Variants in ERAP2 observed in about 807,000 individuals in gnomAD.
ERAP2 encodes endoplasmic reticulum aminopeptidase 2.
Under a neutral mutation model 111.1 loss-of-function variants are expected in ERAP2, and 118 were observed. The ratio of observed to expected loss-of-function variants is 1.06; its 90% CI spans 0.92 to 1.24. The LOEUF is 1.24. ERAP2 is among the 50% of genes most tolerant of loss of function. ERAP2 has a pLI of 0.00. For synonymous variants in ERAP2, 410 were observed against 401.2 expected (o/e 1.02, Z -0.26); for missense variants, 1,131 against 1,125.8 (o/e 1.00, Z -0.07).
chr5:96,894,571 T>C (rs1347618843), intron 6 of ERAP2, among the ~76,000 whole-genome samples: 1 of 152,214 alleles, frequency 6.6e-6, no homozygotes, highest in Non-Finnish European at 1.5e-5. Context: ...AGAATAGTAA[T>C]ATTTAAAATG....
At position 96,915,700 on chromosome 5, in the gene ERAP2, C is replaced by T; in HGVS notation, c.2670C>T (p.Gly890=). Reference sequence around the variant, plus strand: ...TTTTTATTTTCAGATTTGACTTGGGCTCATATGACATAAGGATGATCATCT... The same window carrying T: ...TTTTTATTTTCAGATTTGACTTGGGTTCATATGACATAAGGATGATCATCT... The part of the protein sequence containing the change: ...WTHLLKKFDL[G]SYDIRMIISG... The change falls in exon 18 of 19, where the codon GGC becomes GGT. Residue 890 remains glycine, a synonymous_variant. Transcript: ENST00000437043. 1.9e-6 allele frequency: 3 copies of T among 1,542,462 alleles called. No individual in the cohort carries two copies. The highest frequency in any genetic ancestry group is 2.6e-6 in the Non-Finnish European group (3 of 1,146,058).
At chr5:96,890,364 A>G (rs1312314273) in intron 5 of ERAP2, among the ~76,000 whole-genome samples, 1 of 152,156 alleles carries the variant, frequency 6.6e-6, no homozygotes, top group African/African-American at 2.4e-5. Flanking sequence ...CTCCTATGAG[A>G]ATCTAATGAC....
chr5:96,912,648 A>G lies in ERAP2; in HGVS notation c.2366A>G (p.Asp789Gly), dbSNP rs1197818349. The change falls in exon 16 of 19, where the codon GAT becomes GGT. Residue 789 changes from aspartate to glycine, a missense_variant. This residue lies in a region of ERAP2 where 279 missense variants were observed against 250.9 expected (regional missense o/e 1.11). Coordinates refer to ENST00000437043, the MANE Select transcript of ERAP2 (RefSeq NM_022350.5). ...ESSGKLNIPTDVLKIVYSVGA... is the reference protein window; with the variant it reads ...ESSGKLNIPTGVLKIVYSVGA... ...GCTTGATATTACAGTATACCAACAG[A>G]TGTTTTAAAGATTGTGTATTCTGTG... is the stretch of plus-strand genomic sequence containing the variant. 1.2e-6 allele frequency: 2 copies of G among 1,608,494 alleles called. No individual in the cohort carries two copies. The highest frequency in any genetic ancestry group is 1.7e-6 in the Non-Finnish European group (2 of 1,178,516).
In ERAP2 at chr5:96,880,153, T is replaced by TA; in HGVS notation, c.469dup (p.Thr157AsnfsTer18). On this transcript the variant is annotated frameshift_variant, in exon 2 of 19. Coordinates refer to ENST00000437043, the MANE Select transcript of ERAP2 (RefSeq NM_022350.5). LOFTEE classifies it high-confidence loss of function. Reference sequence around the variant, plus strand: ...TTGCACTGCTGGTTCCAGAGAAACTTACGCCTCACCTGAAATACTATGTGG... The same window carrying TA: ...TTGCACTGCTGGTTCCAGAGAAACTTAACGCCTCACCTGAAATACTATGTGG... 1 of 1,614,102 alleles carries TA rather than the reference T, an allele frequency of 6.2e-7. No individual in the cohort carries two copies. Among genetic ancestry groups the TA allele is most frequent in the Non-Finnish European group, 8.5e-7 (1 of 1,179,994 alleles).
chr5:96,898,297 C>CT (rs1322866344), intron 9 of ERAP2, among the ~76,000 whole-genome samples: 1 of 151,870 alleles, frequency 6.6e-6, no homozygotes, highest in Non-Finnish European at 1.5e-5. Flanking sequence ...TTTTTGTGCC[C>CT]TTATAAAGCA....
intron 4 of ERAP2, 148 bp from the exon 5 acceptor site, chr5:96,889,037 C>T: frequency 1.1e-6 from 1 of 931,570 alleles, no homozygotes; most frequent in South Asian, 1.7e-5. Context: ...TTCACAGAAC[C>T]TCTTATCCTT....
rs963813022 is a variant in ERAP2, at chr5:96,917,595, T to G, written c.2873T>G (p.Val958Gly). Residue 958 changes from valine to glycine, a missense_variant, in exon 19 of 19, where the codon GTT becomes GGT. By Grantham distance (109) the Val-to-Gly change is moderately radical. Coordinates refer to ENST00000437043, the MANE Select transcript of ERAP2 (RefSeq NM_022350.5). ...NLPTLRTWLM[V>G]NT is the part of the protein sequence containing the mutation. ...CCGACTCTGAGGACTTGGCTAATGG[T>G]TAATACTTAAATGGTCAATAGAAAA... The G allele has an allele frequency of 4.3e-6, 7 of 1,612,248 alleles. No homozygotes were observed. The African/African-American group carries it at 9.4e-5, about 22-fold the overall frequency.
At chr5:96,880,573 T>C (rs966920641) in intron 2 of ERAP2, among the ~76,000 whole-genome samples, 5 of 152,140 alleles carry the variant, frequency 3.3e-5, no homozygotes, top group African/African-American at 1.2e-4. Context: ...GGAATGCTTC[T>C]CAAAGGAAGT....
rs868022359 is a variant in ERAP2, at chr5:96,909,829, C to G, written c.2354+65C>G. The G allele has an allele frequency of 3.7e-5, 56 of 1,514,822 alleles. No homozygotes were observed. The African/African-American group carries it at 6.4e-4, about 17-fold the overall frequency. The allele number at this position is 1,514,822 out of a possible 1,614,324, so 93.8% of individuals were successfully genotyped here. ...TTTGATGTAAAAGTCTTTGATCAAG[C>G]AAGACATTAGGTCTAAAACCTTTTA... On this transcript the variant is annotated intron_variant, in intron 15 of 18. Transcript: ENST00000437043.
At chr5:96,892,562 G>T in intron 6 of ERAP2, 109 bp downstream of exon 6, 1 of 1,288,122 alleles carries the variant, frequency 7.8e-7, no homozygotes. Context: ...CTCTAGAGGG[G>T]AACTTAGAGA....
intron 11 of ERAP2, 107 bp downstream of exon 11, chr5:96,901,788 T>C (rs1215299552): frequency 2.3e-5 from 26 of 1,155,290 alleles, no homozygotes; most frequent in Non-Finnish European, 3.0e-5. Context: ...GCTAGTTCCA[T>C]ATAAGAATCA....
chr5:96,890,273 C>T (rs1340139917), intron 5 of ERAP2, among the ~76,000 whole-genome samples: 2 of 152,132 alleles, frequency 1.3e-5, no homozygotes, highest in East Asian at 3.9e-4. Context: ...ACTGTTCCAC[C>T]TCAGAGCATT....
chr5:96,909,672 C>G lies in ERAP2; in HGVS notation c.2262C>G (p.Leu754=). ...GGGACAGGATGCTCCGCTCGGCTCT[C>G]TTGAAGCTGGCCTGTGACCTGAACC... is the stretch of plus-strand genomic sequence containing the variant. ...SVWDRMLRSA[L]LKLACDLNHA... Residue 754 remains leucine (L), a synonymous_variant, in exon 15 of 19, where the codon CTC becomes CTG. Transcript: ENST00000437043. 6.2e-7 allele frequency: 1 copy of G among 1,614,220 alleles called. No individual in the cohort carries two copies. Among genetic ancestry groups the G allele is most frequent in the East Asian group, 2.2e-5 (1 of 44,892 alleles).
chr5:96,879,549 G>A lies in ERAP2; in HGVS notation c.-122-15G>A, dbSNP rs1023617615. 1 of 643,940 alleles carries A rather than the reference G, an allele frequency of 1.6e-6. No individual in the cohort carries two copies. Among genetic ancestry groups the A allele is most frequent in the South Asian group, 2.2e-5 (1 of 46,318 alleles). 39.9% of individuals were successfully genotyped at this position (643,940 alleles called of 1,614,324 possible). On this transcript the variant is annotated splice_polypyrimidine_tract_variant and intron_variant, in intron 1 of 18. Transcript: ENST00000437043. ...ATCTTTTTTGTCATGCTATAAGTGT[G>A]TTTTTTTCTTCTAGATTAAATTCAT...
chr5:96,902,422 A>G, intron 12 of ERAP2, 69 bp downstream of exon 12: 1 of 935,812 alleles, frequency 1.1e-6, no homozygotes, highest in South Asian at 1.4e-5. Flanking sequence ...TATTTGAAGG[A>G]ACGATACAAT....
At chr5:96,887,678 A>G (rs1259975046) in intron 4 of ERAP2, among the ~76,000 whole-genome samples, 15 of 152,236 alleles carry the variant, frequency 9.9e-5, no homozygotes. Context: ...GTTGTTTGCA[A>G]AAACTTACAA....
At chr5:96,883,539 C>T (rs2151123006) in intron 2 of ERAP2, among the ~76,000 whole-genome samples, 1 of 152,130 alleles carries the variant, frequency 6.6e-6, no homozygotes, top group East Asian at 1.9e-4. Context: ...CCTCAATATC[C>T]TTGTTTGACC....
intron 1 of ERAP2, among the ~76,000 whole-genome samples, chr5:96,876,937 T>C (rs1027825493): frequency 2.6e-5 from 4 of 152,100 alleles, no homozygotes; most frequent in African/African-American, 9.7e-5. Flanking sequence ...GTCACCATCC[T>C]GTTCCTTCAT....
intron 18 of ERAP2, 97 bp downstream of exon 18, chr5:96,915,866 T>C: frequency 8.9e-7 from 1 of 1,119,862 alleles, no homozygotes; most frequent in East Asian, 2.6e-5. Context: ...GTTCTCATTT[T>C]AGTTTTTAAA....
Sources: gnomAD v4.1 joint callset for allele counts (sites outside exome capture counted in the v4.1 genomes callset) on GRCh38, gnomAD v4.1.1 for gene constraint, gnomAD v4.1.1 regional missense constraint, MANE v1.5 for transcripts, NCBI Gene and HGNC (gene_info 2026-07-23, HGNC 2026-07-21) for gene names.